Variants in ADAMTSL3 observed in about 807,000 individuals in gnomAD.
ADAMTSL3 encodes the protein ADAMTS like 3, also known as ADAMTS-like protein 3.
In ADAMTSL3, 128 loss-of-function variants were observed where a neutral mutation model predicts 201.7. The ratio of observed to expected loss-of-function variants is 0.63; its 90% CI spans 0.55 to 0.73. The LOEUF (loss-of-function observed/expected upper bound fraction) is 0.73, where lower values mean the gene tolerates loss of function less well. Among genes scored for constraint, ADAMTSL3 ranks in the 30% least tolerant of loss-of-function variants. ADAMTSL3 has a pLI of 0.00. For synonymous variants in ADAMTSL3, 738 were observed against 748.4 expected, an observed-to-expected ratio of 0.99 and a Z score of 0.23; for missense variants, 1,990 against 2,119.6, an observed-to-expected ratio of 0.94 and a Z score of 1.20.
intron 4 of ADAMTSL3, 83 bp from the exon 5 acceptor site, chr15:83,804,567 T>G: frequency 4.4e-6 from 4 of 908,468 alleles, no homozygotes; most frequent in Non-Finnish European, 6.6e-6. Flanking sequence ...CAATGCCTTG[T>G]ATTTGCTTTT....
chr15:83,868,180 C>T (rs769884148), intron 8 of ADAMTSL3, among the ~76,000 whole-genome samples: 10 of 152,142 alleles, frequency 6.6e-5, no homozygotes, highest in South Asian at 2.1e-4. Flanking sequence ...CACCTTGCTG[C>T]GGAAACCACA....
rs570173689 is a variant in ADAMTSL3, at chr15:83,695,694, AT to A, written c.70-8687del. 8.4e-4 allele frequency among the ~76,000 whole-genome samples: 127 copies of A among 152,014 alleles called. 2 individuals are homozygous for A. Among genetic ancestry groups the A allele is most frequent in the Non-Finnish European group, 1.4e-3 (96 of 67,982 alleles). On this transcript the variant is annotated intron_variant, in intron 2 of 29. Coordinates refer to ENST00000286744, the MANE Select transcript of ADAMTSL3 (RefSeq NM_207517.3). ...AAAGAATCTTAAATCCCTGGAAATA[AT>A]TTTTTTTATCTTGGAAAAAAATGTG...
At chr15:83,716,564 A>C (rs549508863) in intron 3 of ADAMTSL3, among the ~76,000 whole-genome samples, 2 of 152,048 alleles carry the variant, frequency 1.3e-5, no homozygotes, top group African/African-American at 4.8e-5. Context: ...TTCTTAAAAA[A>C]GTTAATTATT....
Position 83,913,097 on chromosome 15 carries a change from T to C in ADAMTSL3, c.1706T>C (p.Ile569Thr). Residue 569 changes from isoleucine (I) to threonine (T), a missense_variant, in exon 16 of 30, where the codon ATT (isoleucine) becomes ACT (threonine). Ile to Thr is a moderately conservative substitution (Grantham distance 89). Transcript: ENST00000286744. ...GGCTTCCTGGTTTTCCCTAGGTTCATTCCAGAACCCTGGTCAGCCTGCAGT... is the reference window on the plus strand; with the variant it reads ...GGCTTCCTGGTTTTCCCTAGGTTCACTCCAGAACCCTGGTCAGCCTGCAGT... ...TRIATEEPTF[I>T]PEPWSACSTT... 3 of 1,613,874 alleles carry C rather than the reference T, an allele frequency of 1.9e-6. No homozygotes were observed. Among genetic ancestry groups the C allele is most frequent in the Non-Finnish European group, 2.5e-6 (3 of 1,179,918 alleles).
intron 12 of ADAMTSL3, among the ~76,000 whole-genome samples, chr15:83,892,027 C>T (rs1043673542): frequency 6.6e-6 from 1 of 151,210 alleles, no homozygotes; most frequent in African/African-American, 2.4e-5. Flanking sequence ...CCAGCCTGGC[C>T]AACATGGCGA....
intron 16 of ADAMTSL3, among the ~76,000 whole-genome samples, chr15:83,917,542 T>C (rs2066059285): frequency 6.6e-6 from 1 of 152,228 alleles, no homozygotes; most frequent in Non-Finnish European, 1.5e-5. Context: ...ATGTACATCC[T>C]GGAAGATATG....
intron 3 of ADAMTSL3, among the ~76,000 whole-genome samples, chr15:83,742,041 C>G (rs1326627668): frequency 6.6e-6 from 1 of 152,000 alleles, no homozygotes; most frequent in East Asian, 1.9e-4. Flanking sequence ...AATATGTCTT[C>G]TTTTAAAAAA....
intron 22 of ADAMTSL3, among the ~76,000 whole-genome samples, chr15:83,990,677 T>G (rs1470869843): frequency 6.6e-6 from 1 of 152,188 alleles, no homozygotes; most frequent in African/African-American, 2.4e-5. Flanking sequence ...GTTTTGGCCC[T>G]ACATTAATTC....
At chr15:83,711,021 T>A (rs2061926459) in intron 3 of ADAMTSL3, among the ~76,000 whole-genome samples, 1 of 152,174 alleles carries the variant, frequency 6.6e-6, no homozygotes, top group Non-Finnish European at 1.5e-5. Flanking sequence ...ATACTAATAA[T>A]AACAATAATA....
intron 9 of ADAMTSL3, among the ~76,000 whole-genome samples, chr15:83,884,006 C>T (rs2141865571): frequency 6.6e-6 from 1 of 152,194 alleles, no homozygotes; most frequent in Middle Eastern, 3.4e-3. Flanking sequence ...TATTCTCCTG[C>T]CTCAGCCTCC....
At chr15:83,774,371 A>G (rs772408977) in intron 4 of ADAMTSL3, among the ~76,000 whole-genome samples, 1 of 152,260 alleles carries the variant, frequency 6.6e-6, no homozygotes, top group African/African-American at 2.4e-5. Context: ...TTCAAGATAC[A>G]GAGTAGAAAT....
intron 4 of ADAMTSL3, among the ~76,000 whole-genome samples, chr15:83,789,642 T>C (rs2141820994): frequency 6.6e-6 from 1 of 152,244 alleles, no homozygotes. Flanking sequence ...AGTCCAATAT[T>C]TTAGGAACCA....
At chr15:83,663,534 A>T (rs1467132813) in intron 2 of ADAMTSL3, among the ~76,000 whole-genome samples, 3 of 152,188 alleles carry the variant, frequency 2.0e-5, no homozygotes, top group African/African-American at 4.8e-5. Flanking sequence ...GTATTTCCTT[A>T]GAATAATCCT....
intron 7 of ADAMTSL3, among the ~76,000 whole-genome samples, chr15:83,844,338 T>C (rs939841080): frequency 1.2e-4 from 17 of 143,334 alleles, no homozygotes; most frequent in South Asian, 4.1e-4. Flanking sequence ...ATTCTTAAGA[T>C]TTTTTCCCTT....
chr15:83,906,529 A>G (rs1225992604), intron 15 of ADAMTSL3, among the ~76,000 whole-genome samples: 1 of 151,958 alleles, frequency 6.6e-6, no homozygotes, highest in African/African-American at 2.4e-5. Flanking sequence ...TATGCTTAGC[A>G]TAGTGCCTGG....
intron 3 of ADAMTSL3, among the ~76,000 whole-genome samples, chr15:83,710,647 C>G (rs1052476617): frequency 6.6e-6 from 1 of 152,192 alleles, no homozygotes; most frequent in African/African-American, 2.4e-5. Flanking sequence ...ATAGTTGACT[C>G]TTCTCTTTCC....
At chr15:83,711,182 G>A (rs540747681) in intron 3 of ADAMTSL3, among the ~76,000 whole-genome samples, 1 of 152,214 alleles carries the variant, frequency 6.6e-6, no homozygotes, top group East Asian at 1.9e-4. Context: ...TTTGCTGTGA[G>A]TACATCTCTC....
At chr15:83,809,746 G>A (rs2063662310) in intron 5 of ADAMTSL3, among the ~76,000 whole-genome samples, 1 of 152,136 alleles carries the variant, frequency 6.6e-6, no homozygotes, top group Admixed American at 6.5e-5. Context: ...GGAATTAAAA[G>A]GAAATTCTGA....
Position 83,995,700 on chromosome 15 carries a change from A to T in ADAMTSL3, c.3973+4486A>T, listed in dbSNP as rs192380453. 5.3e-5 allele frequency among the ~76,000 whole-genome samples: 8 copies of T among 152,280 alleles called. No homozygotes were observed. In the East Asian group the frequency reaches 1.5e-3, roughly 29 times the overall value. ...ATCCCCATTTAAAAGCAAAGAAAAT[A>T]TACAAAGTTTTGGATCTCTACATTC... On this transcript the variant is annotated intron_variant, in intron 23 of 29. Transcript: ENST00000286744.
Sources: gnomAD v4.1 joint callset for allele counts (sites outside exome capture counted in the v4.1 genomes callset) on GRCh38, gnomAD v4.1.1 for gene constraint, MANE v1.5 for transcripts, NCBI Gene and HGNC (gene_info 2026-07-23, HGNC 2026-07-21) for gene names.